COL27A1: variants seen among roughly 807,000 people sequenced by gnomAD.
The protein encoded by COL27A1 is collagen type XXVII alpha 1 chain, also known as collagen alpha-1(XXVII) chain.
Under a neutral mutation model 251.3 loss-of-function variants are expected in COL27A1, and 106 were observed. The observed-to-expected ratio is 0.42, with a 90% CI of 0.36 to 0.50. COL27A1 has a LOEUF of 0.50. Ranked by LOEUF, COL27A1 falls within the 20% of genes least tolerant of loss-of-function variation. COL27A1 has a pLI of 0.00. For missense variants in COL27A1, 2,325 were observed against 2,522.8 expected (o/e 0.92, Z 1.68); for synonymous variants, 1,000 against 986.3 (o/e 1.01, Z -0.26).
chr9:114,224,648 CTTT>C (rs5900075), intron 14 of COL27A1, among the ~76,000 whole-genome samples: 3 of 97,346 alleles, frequency 3.1e-5, no homozygotes, highest in African/African-American at 4.2e-5. Context: ...CCTCCTGGTT[CTTT>C]TTTTTTTTTT....
intron 2 of COL27A1, among the ~76,000 whole-genome samples, chr9:114,165,992 T>C (rs1239453009): frequency 6.6e-6 from 1 of 151,552 alleles, no homozygotes; most frequent in Non-Finnish European, 1.5e-5. Flanking sequence ...TATTCATCCA[T>C]CCATTCATCC....
intron 5 of COL27A1, among the ~76,000 whole-genome samples, chr9:114,189,332 A>G (rs1196900991): frequency 6.6e-6 from 1 of 152,222 alleles, no homozygotes; most frequent in Non-Finnish European, 1.5e-5. Context: ...TTACTCTATG[A>G]TAGACATGGG....
In COL27A1 at chr9:114,283,692, G is replaced by T; in HGVS notation, c.3880-17G>T. The T allele has an allele frequency of 6.2e-7, 1 of 1,613,502 alleles. No individual in the cohort carries two copies. The highest frequency in any genetic ancestry group is 1.1e-5 in the South Asian group (1 of 91,060). ...AGAGCCACACTCCATACCAACGAGGGTCTCCTCCTCTTGTAGGGTGCTCCG... is the reference window on the plus strand; with the variant it reads ...AGAGCCACACTCCATACCAACGAGGTTCTCCTCCTCTTGTAGGGTGCTCCG... On this transcript the variant is annotated splice_polypyrimidine_tract_variant and intron_variant, in intron 39 of 60. Transcript: ENST00000356083.
At chr9:114,255,678 C>T (rs754681296) in intron 27 of COL27A1, among the ~76,000 whole-genome samples, 3 of 152,132 alleles carry the variant, frequency 2.0e-5, no homozygotes, top group Non-Finnish European at 4.4e-5. Flanking sequence ...TGAAATCAGA[C>T]GGTCACTTAC....
At chr9:114,201,803 G>C (rs976722915) in intron 7 of COL27A1, among the ~76,000 whole-genome samples, 1 of 152,164 alleles carries the variant, frequency 6.6e-6, no homozygotes, top group African/African-American at 2.4e-5. Context: ...TTCATCCCAG[G>C]GAGGCGCATC....
chr9:114,301,406 G>C, intron 53 of COL27A1, 39 bp from the exon 54 acceptor site: 1 of 1,612,584 alleles, frequency 6.2e-7, no homozygotes, highest in Non-Finnish European at 8.5e-7. Context: ...GGCTCAGCCA[G>C]GTTCCCTAAC....
intron 1 of COL27A1, among the ~76,000 whole-genome samples, chr9:114,161,117 A>G (rs573783116): frequency 2.0e-5 from 3 of 152,022 alleles, no homozygotes; most frequent in South Asian, 4.2e-4. Flanking sequence ...GACACCCACT[A>G]TTTTTCTGTT....
Position 114,290,418 on chromosome 9 carries a change from C to T in COL27A1, c.4368+87C>T, listed in dbSNP as rs1022585938. 1.4e-5 allele frequency: 17 copies of T among 1,219,956 alleles called. No individual in the cohort carries two copies. The highest frequency in any genetic ancestry group is 2.0e-5 in the Admixed American group (1 of 50,242). 75.6% of individuals were successfully genotyped at this position (1,219,956 alleles called of 1,614,324 possible). On this transcript the variant is annotated intron_variant, in intron 47 of 60. Transcript: ENST00000356083. The surrounding 1 kb of genome is among the most constrained non-coding windows in gnomAD (Gnocchi z 4.6). ...CCCCAGGCCATGGGCCAGAGGAGCC[C>T]GTTTGGAAACTTGGATGGGCAGAAC...
chr9:114,222,289 G>A (rs766419416), intron 14 of COL27A1, 22 bp downstream of exon 14: 2 of 1,609,870 alleles, frequency 1.2e-6, no homozygotes, highest in African/African-American at 2.7e-5. Context: ...GATGCCTGGG[G>A]CAGCAGGTGG....
intron 48 of COL27A1, 65 bp from the exon 49 acceptor site, chr9:114,292,038 C>T (rs977193498): frequency 1.4e-6 from 2 of 1,403,248 alleles, no homozygotes; most frequent in African/African-American, 1.4e-5. Flanking sequence ...CAGGCCCCCT[C>T]CGCCTCCTCC....
intron 3 of COL27A1, among the ~76,000 whole-genome samples, chr9:114,176,336 T>C (rs551797315): frequency 6.6e-6 from 1 of 152,246 alleles, no homozygotes; most frequent in Non-Finnish European, 1.5e-5. Context: ...AAATTTTGAG[T>C]TGAGGACGTT....
rs1227252964 is a variant in COL27A1 at position 114,173,710 on chromosome 9, G to A, written c.1908+4247G>A. Among the ~76,000 whole-genome samples, 4 of 152,036 alleles carry A rather than the reference G, an allele frequency of 2.6e-5. No homozygotes were observed. In the East Asian group the frequency reaches 7.7e-4, roughly 29 times the overall value. On this transcript the variant is annotated intron_variant, in intron 3 of 60. Coordinates refer to ENST00000356083, the MANE Select transcript of COL27A1 (RefSeq NM_032888.4). ...GATTCAGTGAGATGCGGGGGTCGGG[G>A]GGAGGGGAGTAAAGCACATATGAAA...
intron 49 of COL27A1, among the ~76,000 whole-genome samples, chr9:114,292,658 A>G (rs1828004169): frequency 6.6e-6 from 1 of 152,262 alleles, no homozygotes; most frequent in African/African-American, 2.4e-5. Flanking sequence ...TGAGATTGTC[A>G]GAGTGGATGA....
chr9:114,165,588 T>C (rs1345912886), intron 2 of COL27A1, among the ~76,000 whole-genome samples: 1 of 150,384 alleles, frequency 6.6e-6, no homozygotes, highest in Non-Finnish European at 1.5e-5. Context: ...CATCCATCCA[T>C]CCATCCACCC....
intron 39 of COL27A1, among the ~76,000 whole-genome samples, chr9:114,283,222 G>A (rs1836041178): frequency 6.6e-6 from 1 of 152,208 alleles, no homozygotes; most frequent in Non-Finnish European, 1.5e-5. Flanking sequence ...GTCACTGAAT[G>A]CAGAGTGGGG....
intron 27 of COL27A1, among the ~76,000 whole-genome samples, chr9:114,253,430 A>AGGAG (rs1306541221): frequency 9.3e-6 from 1 of 107,692 alleles, no homozygotes; most frequent in Admixed American, 1.3e-4. Context: ...GAGAAAAAAG[A>AGGAG]GGAGGGAGGG....
In COL27A1 at chr9:114,168,449, C is replaced by T. The variant is rs1849062545; in HGVS notation, c.894C>T (p.Thr298=). The T allele has an allele frequency of 6.2e-7, 1 of 1,613,942 alleles. No individual in the cohort carries two copies. Residue 298 remains threonine (T), a synonymous_variant, in exon 3 of 61, where the codon ACC becomes ACT. Transcript: ENST00000356083. ...PRGTVAPATP[T]KPQRTSPTNP... is the part of the protein sequence containing the mutation. ...GGACTGTGGCACCCGCCACGCCCAC[C>T]AAGCCCCAAAGGACTAGCCCCACAA...
chr9:114,170,179 G>A (rs1449432210), intron 3 of COL27A1, among the ~76,000 whole-genome samples: 1 of 152,214 alleles, frequency 6.6e-6, no homozygotes, highest in Non-Finnish European at 1.5e-5. Flanking sequence ...TGCCTGCCTG[G>A]CACCTGCAGG....
chr9:114,247,915 C>T (rs1040135169), intron 24 of COL27A1, among the ~76,000 whole-genome samples: 9 of 152,154 alleles, frequency 5.9e-5, no homozygotes, highest in Non-Finnish European at 1.2e-4. Flanking sequence ...GCAAAAACTG[C>T]GATTACTTTT....
Sources: gnomAD v4.1 joint callset for allele counts (sites outside exome capture counted in the v4.1 genomes callset) on GRCh38, gnomAD v4.1.1 for gene constraint, Gnocchi (gnomAD v3.1) non-coding constraint, MANE v1.5 for transcripts, NCBI Gene and HGNC (gene_info 2026-07-23, HGNC 2026-07-21) for gene names.